The following SLC4A4 variants were observed in gnomAD, a reference collection of about 807,000 sequenced individuals.
The protein encoded by SLC4A4 is solute carrier family 4 member 4.
Under a neutral mutation model 111.5 loss-of-function variants are expected in SLC4A4, and 27 were observed. The observed-to-expected ratio is 0.24, with a 90% confidence interval of 0.18 to 0.33. The LOEUF (loss-of-function observed/expected upper bound fraction) is 0.33, where lower values mean the gene tolerates loss of function less well. SLC4A4 is among the 10% of genes least tolerant of loss of function. The probability of loss-of-function intolerance (pLI) is 1.00; values close to 1 mark genes in which losing one functional copy is unlikely to be tolerated. For missense variants in SLC4A4, 909 were observed against 1,315.5 expected (o/e 0.69, Z 4.78); for synonymous variants, 443 against 463.4 (o/e 0.96, Z 0.57).
rs564538901 is a variant in SLC4A4, at chr4:71,177,762, C to G, written c.-1-58814C>G. ...TTAACACCCCACTGTCAACATTAGA[C>G]AGATGAATGGGACAGAAAGTTAACA... On this transcript the variant is annotated intron_variant, in intron 2 of 26. Transcript: ENST00000649996. Among the ~76,000 whole-genome samples, 15 of 152,306 alleles carry G rather than the reference C, an allele frequency of 9.8e-5. No homozygotes were observed. The South Asian group carries it at 1.0e-3, about 11-fold the overall frequency.
intron 9 of SLC4A4, among the ~76,000 whole-genome samples, chr4:71,448,420 C>T (rs570032143): frequency 4.2e-4 from 64 of 150,996 alleles, no homozygotes; most frequent in African/African-American, 1.5e-3. Context: ...TGTCTATATT[C>T]TATATTATTT....
intron 2 of SLC4A4, among the ~76,000 whole-genome samples, chr4:71,157,374 C>T (rs1403301832): frequency 6.6e-6 from 1 of 151,982 alleles, no homozygotes; most frequent in Non-Finnish European, 1.5e-5. Flanking sequence ...TATTAATGTG[C>T]TTGTAATAAG....
At chr4:71,448,118 G>A (rs951185920) in intron 9 of SLC4A4, among the ~76,000 whole-genome samples, 4 of 151,916 alleles carry the variant, frequency 2.6e-5, no homozygotes, top group Admixed American at 6.6e-5. Context: ...TCAGGAGTTC[G>A]AGACCAGCCT....
At chr4:71,320,620 T>C (rs1224011999) in intron 3 of SLC4A4, among the ~76,000 whole-genome samples, 2 of 152,036 alleles carry the variant, frequency 1.3e-5, no homozygotes, top group Non-Finnish European at 2.9e-5. Context: ...GTTTTACCAG[T>C]GTAATTCTAA....
chr4:71,222,815 T>G (rs1217313999), intron 1 of SLC4A4, among the ~76,000 whole-genome samples: 2 of 152,220 alleles, frequency 1.3e-5, no homozygotes, highest in Non-Finnish European at 2.9e-5. Flanking sequence ...TGGTGAGTGA[T>G]GCACTCTTCT....
intron 1 of SLC4A4, among the ~76,000 whole-genome samples, chr4:71,089,276 G>T (rs542504849): frequency 6.6e-6 from 1 of 151,908 alleles, no homozygotes; most frequent in African/African-American, 2.4e-5. Flanking sequence ...CTCTGCATTG[G>T]TTATTCTAGT....
chr4:71,275,106 T>C (rs1722976812), intron 3 of SLC4A4, among the ~76,000 whole-genome samples: 1 of 152,170 alleles, frequency 6.6e-6, no homozygotes, highest in South Asian at 2.1e-4. Flanking sequence ...TTGAAAAAGT[T>C]TCTTTAAAAA....
In SLC4A4 at chr4:71,065,561, C is replaced by T. The variant is rs566312270; in HGVS notation, c.-65+2773C>T. ...GTGATATAAATCGACAGGAAAAGGA[C>T]AGAAAGATCTATTTGACAATATATA... On this transcript the variant is annotated intron_variant, in intron 1 of 26. Coordinates refer to the SLC4A4 transcript ENST00000649996. Among the ~76,000 whole-genome samples, 12 of 152,204 alleles carry T rather than the reference C, an allele frequency of 7.9e-5. No homozygotes were observed. The South Asian group carries it at 2.1e-3, about 26-fold the overall frequency.
At chr4:71,339,179 A>T in intron 3 of SLC4A4, 191 bp from the exon 4 acceptor site, 1 of 1,613,962 alleles carries the variant, frequency 6.2e-7, no homozygotes, top group Non-Finnish European at 8.5e-7. Flanking sequence ...GTTCAGAACC[A>T]AAGGAATAGA....
intron 1 of SLC4A4, among the ~76,000 whole-genome samples, chr4:71,215,748 G>A (rs1718389812): frequency 6.6e-6 from 1 of 152,128 alleles, no homozygotes; most frequent in Non-Finnish European, 1.5e-5. Context: ...ATGATCACAA[G>A]TGAACCGTCC....
At chr4:71,229,410 T>G (rs1451431804) in intron 1 of SLC4A4, among the ~76,000 whole-genome samples, 1 of 152,230 alleles carries the variant, frequency 6.6e-6, no homozygotes, top group African/African-American at 2.4e-5. Flanking sequence ...TTCTCTGGGA[T>G]AAGTGCCCAA....
intron 2 of SLC4A4, among the ~76,000 whole-genome samples, chr4:71,116,354 T>C (rs1433459078): frequency 2.0e-5 from 3 of 152,346 alleles, no homozygotes; most frequent in Middle Eastern, 3.4e-3. Flanking sequence ...TTTATTATTA[T>C]TGTTAAACTA....
At chr4:71,473,255 T>C (rs1020091631) in intron 14 of SLC4A4, 39 of 606,100 alleles carry the variant, frequency 6.4e-5, no homozygotes, top group Non-Finnish European at 1.0e-4. Flanking sequence ...GTGTACATTA[T>C]TCTTGATTTT....
upstream of SLC4A4, among the ~76,000 whole-genome samples, chr4:71,185,893 C>T (rs1232037635): frequency 1.3e-5 from 2 of 148,320 alleles, no homozygotes; most frequent in African/African-American, 5.2e-5. Flanking sequence ...TTGGTGGCTA[C>T]TGTTGAAAAC....
At chr4:71,253,501 G>T (rs1396375147) in intron 2 of SLC4A4, among the ~76,000 whole-genome samples, 2 of 152,068 alleles carry the variant, frequency 1.3e-5, no homozygotes, top group Non-Finnish European at 2.9e-5. Context: ...CTTAATTTGT[G>T]TGTGTTTTCT....
chr4:71,417,733 C>G (rs1721949922), intron 7 of SLC4A4, among the ~76,000 whole-genome samples: 1 of 152,004 alleles, frequency 6.6e-6, no homozygotes, highest in Non-Finnish European at 1.5e-5. Context: ...TTTACAGAAC[C>G]AAAACCATTG....
At chr4:71,264,067 T>G (rs1320034581) in intron 3 of SLC4A4, among the ~76,000 whole-genome samples, 1 of 152,080 alleles carries the variant, frequency 6.6e-6, no homozygotes, top group African/African-American at 2.4e-5. Flanking sequence ...TTTGCGGAGT[T>G]TTTTTTACAT....
chr4:71,502,212 C>T (rs1028741767), intron 16 of SLC4A4, among the ~76,000 whole-genome samples: 3 of 152,186 alleles, frequency 2.0e-5, no homozygotes, highest in Admixed American at 6.5e-5. Flanking sequence ...CCACCAGCCT[C>T]GGCCTCCCAA....
chr4:71,350,208 A>G, intron 5 of SLC4A4, 136 bp downstream of exon 5: 3 of 867,396 alleles, frequency 3.5e-6, no homozygotes, highest in Non-Finnish European at 3.6e-6. Context: ...GCATTATAAC[A>G]TTAGTATGAT....
Sources: gnomAD v4.1 joint callset for allele counts (sites outside exome capture counted in the v4.1 genomes callset) on GRCh38, gnomAD v4.1.1 for gene constraint, MANE v1.5 for transcripts, NCBI Gene and HGNC (gene_info 2026-07-23, HGNC 2026-07-21) for gene names.